Variants in SPOPL observed in about 807,000 individuals in gnomAD.
SPOPL encodes the protein speckle-type POZ protein-like.
SPOPL carries 23 observed loss-of-function variants against 53.8 expected under a neutral mutation model. That is an observed-to-expected ratio of 0.43 (90% CI 0.31 to 0.61). The LOEUF is 0.61. SPOPL is among the 20% of genes least tolerant of loss of function. The pLI, the probability that SPOPL is intolerant of heterozygous loss-of-function variation, is 0.12. For missense variants in SPOPL, 442 were observed against 466.9 expected (o/e 0.95, Z 0.49); for synonymous variants, 164 against 149.7 (o/e 1.10, Z -0.70).
intron 1 of SPOPL, among the ~76,000 whole-genome samples, chr2:138,514,817 C>T (rs1238255096): frequency 1.3e-5 from 2 of 152,174 alleles, no homozygotes; most frequent in African/African-American, 4.8e-5. Flanking sequence ...ATAACCTCAT[C>T]AGTAGTAGAT....
chr2:138,542,949 A>G (rs1421926339), intron 1 of SPOPL, among the ~76,000 whole-genome samples: 6 of 152,206 alleles, frequency 3.9e-5, no homozygotes, highest in African/African-American at 7.2e-5. Flanking sequence ...AGAATCTCTC[A>G]GCATTTGCTT....
chr2:138,553,345 A>G (rs929751843), intron 5 of SPOPL, among the ~76,000 whole-genome samples: 15 of 152,242 alleles, frequency 9.9e-5, no homozygotes, highest in African/African-American at 3.4e-4. Flanking sequence ...AGTTTTATCT[A>G]TATGAATTTT....
At position 138,550,225 on chromosome 2, in the gene SPOPL, G is replaced by A; in HGVS notation, c.9G>A (p.Arg3=). ...ACTACAATAAAGTGGTGATGTCTCG[G>A]GAACCCACCCCACCTCTACCTGGAG... is the stretch of plus-strand genomic sequence containing the variant. MS[R]EPTPPLPGDM... is the part of the protein sequence containing the mutation. The change falls in exon 2 of 11, where the codon CGG becomes CGA. Residue 3 remains arginine (R), a synonymous_variant. Transcript: ENST00000280098. The A allele has an allele frequency of 6.2e-7, 1 of 1,613,398 alleles. No individual in the cohort carries two copies.
rs1428667901 is a variant in SPOPL at position 138,502,079 on chromosome 2, A to C, written c.-101A>C. On this transcript the variant is annotated 5_prime_UTR_variant, in exon 1 of 11. Transcript: ENST00000280098. ...ACGGCCACCGCCTCAGCGGGAGAGG[A>C]GTCTCCACCAGGACTGACCGCTGCC... is the stretch of plus-strand genomic sequence containing the variant. The C allele has an allele frequency of 6.6e-6, 1 of 152,440 alleles. No individual in the cohort carries two copies. Among genetic ancestry groups the C allele is most frequent in the African/African-American group, 2.4e-5 (1 of 41,374 alleles). 9.4% of individuals were successfully genotyped at this position (152,440 alleles called of 1,614,324 possible). A position where few individuals can be genotyped will look rare whatever the true frequency, so the allele number is the denominator to read the frequency against.
chr2:138,542,265 G>A (rs1392591302), intron 1 of SPOPL, among the ~76,000 whole-genome samples: 1 of 152,186 alleles, frequency 6.6e-6, no homozygotes, highest in Non-Finnish European at 1.5e-5. Flanking sequence ...TTGGTGCAGA[G>A]CTGAGTTCAA....
intron 1 of SPOPL, among the ~76,000 whole-genome samples, chr2:138,515,934 A>T (rs796455433): frequency 3.3e-5 from 5 of 152,312 alleles, no homozygotes; most frequent in African/African-American, 1.2e-4. Flanking sequence ...TTTACTGATT[A>T]TTGCTAGTCA....
chr2:138,540,380 A>C (rs1422910024), intron 1 of SPOPL, among the ~76,000 whole-genome samples: 1 of 152,222 alleles, frequency 6.6e-6, no homozygotes, highest in Non-Finnish European at 1.5e-5. Context: ...ACCCATGAGC[A>C]TGGAATGTTC....
chr2:138,545,629 C>CT (rs1685177647), intron 1 of SPOPL, among the ~76,000 whole-genome samples: 1 of 151,712 alleles, frequency 6.6e-6, no homozygotes, highest in South Asian at 2.1e-4. Context: ...TTAGCACAGA[C>CT]AGGGTTTCAC....
intron 1 of SPOPL, among the ~76,000 whole-genome samples, chr2:138,514,951 C>A (rs1449730606): frequency 1.3e-5 from 2 of 152,222 alleles, no homozygotes; most frequent in East Asian, 3.9e-4. Context: ...TCAAAATAAA[C>A]ATGATTCCTT....
chr2:138,567,434 T>TGTGTGTGTGTGTGTGTG (rs1558883529), intron 10 of SPOPL, among the ~76,000 whole-genome samples: 3 of 94,096 alleles, frequency 3.2e-5, no homozygotes, highest in Non-Finnish European at 4.3e-5. Context: ...TGTGTGTGTG[T>TGTGTGTGTGTGTGTGTG]TGCGGGCGGG....
intron 1 of SPOPL, among the ~76,000 whole-genome samples, chr2:138,519,787 A>G (rs1033938311): frequency 1.3e-5 from 2 of 152,128 alleles, no homozygotes; most frequent in Non-Finnish European, 2.9e-5. Flanking sequence ...GTGAGACTCT[A>G]TCAGAAAAAT....
At position 138,571,838 on chromosome 2, in the gene SPOPL, C is replaced by G. The variant is rs1007962643; in HGVS notation, c.*2758C>G. 3 of 152,598 alleles carry G rather than the reference C, an allele frequency of 2.0e-5. No homozygotes were observed. The highest frequency in any genetic ancestry group is 4.4e-5 in the Non-Finnish European group (3 of 68,026). The allele number at this position is 152,598 out of a possible 1,614,324, so 9.5% of individuals were successfully genotyped here. On this transcript the variant is annotated 3_prime_UTR_variant, in exon 11 of 11. Transcript: ENST00000280098. ...TTGTTTAGACCAACACTTAGAAATA[C>G]TATATTTGTGCCTTTTCATTTTTAA...
chr2:138,535,075 C>T (rs1273135671), intron 1 of SPOPL, among the ~76,000 whole-genome samples: 1 of 152,084 alleles, frequency 6.6e-6, no homozygotes, highest in Non-Finnish European at 1.5e-5. Flanking sequence ...ACAGTGAGAT[C>T]TTGTGTCTAT....
At chr2:138,528,528 C>A (rs1573880599) in intron 1 of SPOPL, among the ~76,000 whole-genome samples, 1 of 152,046 alleles carries the variant, frequency 6.6e-6, no homozygotes, top group South Asian at 2.1e-4. Flanking sequence ...CATTGAGTAT[C>A]GTGTTGGGAA....
intron 1 of SPOPL, among the ~76,000 whole-genome samples, chr2:138,540,890 A>G (rs2104882478): frequency 6.6e-6 from 1 of 152,276 alleles, no homozygotes; most frequent in East Asian, 1.9e-4. Flanking sequence ...TGTCATAGAT[A>G]GCTCTTATTA....
chr2:138,550,832 T>TCC, intron 3 of SPOPL, 71 bp from the exon 4 acceptor site: 1 of 1,509,882 alleles, frequency 6.6e-7, no homozygotes, highest in Non-Finnish European at 8.9e-7. Context: ...TCTCTTTCTC[T>TCC]CTCTCTCTCT....
At chr2:138,565,548 A>G (rs979908965) in intron 10 of SPOPL, among the ~76,000 whole-genome samples, 1 of 151,644 alleles carries the variant, frequency 6.6e-6, no homozygotes, top group Non-Finnish European at 1.5e-5. Flanking sequence ...GAATATGAAC[A>G]TACTATTCTA....
intron 1 of SPOPL, among the ~76,000 whole-genome samples, chr2:138,546,645 A>G (rs904970319): frequency 6.6e-6 from 1 of 152,326 alleles, no homozygotes; most frequent in East Asian, 1.9e-4. Context: ...TAAGTTTTGT[A>G]AAATATGGAA....
intron 1 of SPOPL, among the ~76,000 whole-genome samples, chr2:138,545,682 G>A (rs536901926): frequency 5.3e-4 from 81 of 151,878 alleles, no homozygotes; most frequent in African/African-American, 1.7e-3. Context: ...CTCATGATCC[G>A]CCCACCTCGG....
Sources: allele counts gnomAD v4.1 joint callset (sites outside exome capture counted in the v4.1 genomes callset), GRCh38; gene constraint gnomAD v4.1.1; transcripts MANE v1.5; gene names NCBI Gene and HGNC (gene_info 2026-07-23, HGNC 2026-07-21).